Variants in CARMIL1 observed in about 807,000 individuals in gnomAD.
The protein encoded by CARMIL1 is F-actin-uncapping protein LRRC16A.
CARMIL1 carries 90 observed loss-of-function variants against 177.1 expected under a neutral mutation model. The ratio of observed to expected loss-of-function variants is 0.51; its 90% CI spans 0.43 to 0.61. The LOEUF is 0.61. Among genes scored for constraint, CARMIL1 ranks in the 20% least tolerant of loss-of-function variants. CARMIL1 has a pLI of 0.00. For missense variants in CARMIL1, 1,380 were observed against 1,667.0 expected (o/e 0.83, Z 3.00); for synonymous variants, 577 against 606.2 (o/e 0.95, Z 0.71).
intron 29 of CARMIL1, among the ~76,000 whole-genome samples, chr6:25,562,471 A>C (rs1002184320): frequency 1.3e-5 from 2 of 150,346 alleles, no homozygotes; most frequent in Non-Finnish European, 3.0e-5. Context: ...CTGGTCTTGA[A>C]CTCCTGACCT....
chr6:25,541,862 C>T (rs1808942443), intron 26 of CARMIL1, among the ~76,000 whole-genome samples: 1 of 152,154 alleles, frequency 6.6e-6, no homozygotes, highest in African/African-American at 2.4e-5. Flanking sequence ...CCATATTGGC[C>T]AGGCTGGTCT....
chr6:25,348,501 AGGCTG>A (rs1305842866), intron 2 of CARMIL1, among the ~76,000 whole-genome samples: 6 of 151,842 alleles, frequency 4.0e-5, no homozygotes, highest in Non-Finnish European at 8.8e-5. Flanking sequence ...AAAGAGCAAT[AGGCTG>A]GGCGTGATGG....
chr6:25,344,901 T>G (rs747869817), intron 2 of CARMIL1, among the ~76,000 whole-genome samples: 7 of 152,234 alleles, frequency 4.6e-5, no homozygotes, highest in Non-Finnish European at 7.3e-5. Context: ...CCCACTGGCA[T>G]ATGAGTTATT....
At chr6:25,342,880 T>C (rs933707539) in intron 2 of CARMIL1, among the ~76,000 whole-genome samples, 13 of 152,234 alleles carry the variant, frequency 8.5e-5, no homozygotes, top group African/African-American at 2.9e-4. Flanking sequence ...CTCCTCCAGC[T>C]GCACACGTAG....
intron 23 of CARMIL1, among the ~76,000 whole-genome samples, chr6:25,527,033 A>AT (rs1382441508): frequency 1.3e-5 from 2 of 152,290 alleles, no homozygotes; most frequent in Non-Finnish European, 2.9e-5. Context: ...TAAAATACAG[A>AT]TTTTTTGTGT....
intron 29 of CARMIL1, among the ~76,000 whole-genome samples, chr6:25,565,996 C>G (rs1467656239): frequency 6.6e-6 from 1 of 152,172 alleles, no homozygotes; most frequent in Non-Finnish European, 1.5e-5. Flanking sequence ...GCTTCACCAT[C>G]AGCTTTGTGA....
intron 23 of CARMIL1, among the ~76,000 whole-genome samples, chr6:25,521,053 C>T (rs1045479936): frequency 2.6e-5 from 4 of 152,124 alleles, no homozygotes; most frequent in Non-Finnish European, 5.9e-5. Context: ...TTTGTTCTTT[C>T]TCCTTGGCGA....
At chr6:25,605,358 TAATAA>T (rs67449784) in intron 34 of CARMIL1, among the ~76,000 whole-genome samples, 20,896 of 152,152 alleles carry the variant, frequency 0.14, 1,543 homozygotes, top group Middle Eastern at 0.19. Flanking sequence ...TTCTTAGGTA[TAATAA>T]AATAAGAAAA....
At chr6:25,297,386 G>A (rs1404356850) in intron 2 of CARMIL1, among the ~76,000 whole-genome samples, 2 of 152,140 alleles carry the variant, frequency 1.3e-5, no homozygotes, top group East Asian at 1.9e-4. Flanking sequence ...TTCTGGGAGC[G>A]ATTTCCTTTT....
chr6:25,468,888 G>A (rs1386150851), intron 9 of CARMIL1, among the ~76,000 whole-genome samples: 1 of 152,084 alleles, frequency 6.6e-6, no homozygotes, highest in African/African-American at 2.4e-5. Flanking sequence ...TTACTTTTCC[G>A]GGTGCACTGC....
chr6:25,535,399 A>G (rs1808188658), intron 24 of CARMIL1, among the ~76,000 whole-genome samples: 1 of 152,172 alleles, frequency 6.6e-6, no homozygotes, highest in Admixed American at 6.5e-5. Context: ...AGAGCATATG[A>G]TTGTGCAGAG....
At chr6:25,585,688 C>A (rs1813577124) in intron 31 of CARMIL1, among the ~76,000 whole-genome samples, 1 of 152,118 alleles carries the variant, frequency 6.6e-6, no homozygotes, top group Non-Finnish European at 1.5e-5. Context: ...AGGCAGAGGA[C>A]CCTGCGGCCT....
chr6:25,619,092 G>A (rs1759526513), intron 36 of CARMIL1, among the ~76,000 whole-genome samples: 1 of 152,120 alleles, frequency 6.6e-6, no homozygotes, highest in Non-Finnish European at 1.5e-5. Flanking sequence ...GACTGAGGAG[G>A]TCACCTGGAG....
intron 2 of CARMIL1, among the ~76,000 whole-genome samples, chr6:25,305,427 A>G (rs1013602717): frequency 5.3e-5 from 8 of 152,146 alleles, no homozygotes; most frequent in Admixed American, 3.9e-4. Context: ...TTCAAAAGGT[A>G]AGACAATCCA....
At chr6:25,579,146 T>G (rs1189003297) in intron 29 of CARMIL1, among the ~76,000 whole-genome samples, 2 of 150,060 alleles carry the variant, frequency 1.3e-5, no homozygotes, top group Non-Finnish European at 3.0e-5. Flanking sequence ...GAAATATAAT[T>G]TTTATATATT....
At chr6:25,426,444 G>GT (rs1796285202) in intron 3 of CARMIL1, 57 bp from the exon 4 acceptor site, 37 of 863,576 alleles carry the variant, frequency 4.3e-5, no homozygotes, top group Middle Eastern at 4.7e-4. Context: ...TAAGTTATAT[G>GT]TTTTTTTAAA....
intron 11 of CARMIL1, among the ~76,000 whole-genome samples, 176 bp from the exon 12 acceptor site, chr6:25,482,081 G>T (rs944129920): frequency 3.9e-5 from 6 of 152,112 alleles, no homozygotes; most frequent in Admixed American, 3.9e-4. Context: ...TTACCCTGTA[G>T]GTAGGACAGA....
At position 25,509,607 on chromosome 6, in the gene CARMIL1, C is replaced by T. The variant is rs774011550; in HGVS notation, c.1396-49C>T. ...CCTATTTTTAATTTTTTGATTACAT[C>T]TCCAGTAGAGTGAAGACTTTACTTT... On this transcript the variant is annotated intron_variant, in intron 17 of 36. Transcript: ENST00000329474. The surrounding 1 kb of genome is among the most constrained non-coding windows in gnomAD (Gnocchi z 4.1). 6 of 1,214,588 alleles carry T rather than the reference C, an allele frequency of 4.9e-6. No individual in the cohort carries two copies. Among genetic ancestry groups the T allele is most frequent in the Non-Finnish European group, 7.2e-6 (6 of 838,948 alleles). 75.2% of individuals were successfully genotyped at this position (1,214,588 alleles called of 1,614,324 possible).
At chr6:25,365,389 G>A (rs1331394038) in intron 2 of CARMIL1, among the ~76,000 whole-genome samples, 5 of 152,136 alleles carry the variant, frequency 3.3e-5, no homozygotes, top group African/African-American at 4.8e-5. Context: ...TATTCCCAGC[G>A]CCTTTGGGAC....
Sources: gnomAD v4.1 joint callset for allele counts (sites outside exome capture counted in the v4.1 genomes callset) on GRCh38, gnomAD v4.1.1 for gene constraint, Gnocchi (gnomAD v3.1) non-coding constraint, MANE v1.5 for transcripts, NCBI Gene and HGNC (gene_info 2026-07-23, HGNC 2026-07-21) for gene names.